The following MCF2 variants were observed in gnomAD, a reference collection of about 807,000 sequenced individuals.
MCF2 encodes MCF.2 cell line derived transforming sequence.
Under a neutral mutation model 82.5 loss-of-function variants are expected in MCF2, and 44 were observed. The observed-to-expected ratio is 0.53, with a 90% CI of 0.42 to 0.69. The LOEUF is 0.69. Ranked by LOEUF, MCF2 falls within the 30% of genes least tolerant of loss-of-function variation. The pLI, the probability that MCF2 is intolerant of heterozygous loss-of-function variation, is 0.00. For synonymous variants in MCF2, 217 were observed against 224.9 expected (o/e 0.96, Z 0.32); for missense variants, 623 against 663.1 (o/e 0.94, Z 0.66).
intron 1 of MCF2, among the ~76,000 whole-genome samples, chrX:139,670,672 A>G (rs1260644954): frequency 8.9e-6 from 1 of 111,810 alleles, no homozygotes; most frequent in African/African-American, 3.3e-5. Flanking sequence ...ATAGTATTCC[A>G]TGGTGTACAT....
intron 19 of MCF2, among the ~76,000 whole-genome samples, chrX:139,590,758 C>T (rs1355251145): frequency 9.0e-6 from 1 of 110,631 alleles, no homozygotes; most frequent in African/African-American, 3.3e-5. Flanking sequence ...GAGTATCTCA[C>T]TCTCTGTTCT....
intron 16 of MCF2, 123 bp downstream of exon 20, chrX:139,602,283 C>G: frequency 7.3e-6 from 4 of 546,215 alleles, no homozygotes; most frequent in African/African-American, 4.7e-5. Context: ...GGTGGATTTG[C>G]TCTTTAACTC....
chrX:139,702,168 C>T (rs1286384414), intron 1 of MCF2: 2 of 112,022 alleles, frequency 1.8e-5, no homozygotes, highest in Non-Finnish European at 1.9e-5. Flanking sequence ...GAATTTTGTT[C>T]GTTCATAGCA....
At chrX:139,646,745 T>A (rs766405003), upstream of MCF2, 8 of 658,812 alleles carry the variant, frequency 1.2e-5, no homozygotes, top group South Asian at 2.5e-4. Context: ...CAGATGGATA[T>A]CTGATATAAA....
intron 10 of MCF2, among the ~76,000 whole-genome samples, chrX:139,611,980 G>A (rs764159): frequency 0.45 from 49,383 of 109,210 alleles, 8,503 homozygotes; most frequent in Middle Eastern, 0.57. Context: ...AAGGGAAGAA[G>A]AAGTGGGCAG....
intron 11 of MCF2, among the ~76,000 whole-genome samples, chrX:139,608,010 CTT>C (rs1336979747): frequency 9.0e-6 from 1 of 111,539 alleles, no homozygotes; most frequent in Admixed American, 9.5e-5. Flanking sequence ...TGTATTAACT[CTT>C]TATTTATTTG....
At chrX:139,692,622 G>A (rs1158714130) in intron 1 of MCF2, among the ~76,000 whole-genome samples, 1 of 111,854 alleles carries the variant, frequency 8.9e-6, no homozygotes, top group Non-Finnish European at 1.9e-5. Context: ...GGTGGGAGGA[G>A]ACAGCCCAGC....
At chrX:139,624,020 AGG>A (rs1374447914) in intron 6 of MCF2, among the ~76,000 whole-genome samples, 1 of 111,585 alleles carries the variant, frequency 9.0e-6, no homozygotes, top group Non-Finnish European at 1.9e-5. Context: ...ACTAGTTAGA[AGG>A]GGAGTAAAAG....
At chrX:139,615,174 A>G in intron 9 of MCF2, 122 bp from the exon 13 acceptor site, 1 of 536,125 alleles carries the variant, frequency 1.9e-6, no homozygotes, top group Non-Finnish European at 3.0e-6. Context: ...TAACTACAAG[A>G]CATTTAGAAA....
intron 1 of MCF2, among the ~76,000 whole-genome samples, chrX:139,690,821 C>T (rs775826982): frequency 1.8e-5 from 2 of 111,929 alleles, no homozygotes; most frequent in South Asian, 7.5e-4. Context: ...ACCTTGGGTG[C>T]ACAGGAAGGC....
At chrX:139,594,913 G>A (rs374019767) in intron 19 of MCF2, among the ~76,000 whole-genome samples, 45 of 110,946 alleles carry the variant, frequency 4.1e-4, no homozygotes, top group African/African-American at 9.3e-4. Flanking sequence ...AAAAGTGGGC[G>A]AAGGACATGA....
intron 12 of MCF2, 49 bp from the exon 17 acceptor site, chrX:139,605,828 T>A: frequency 2.2e-6 from 2 of 921,392 alleles, no homozygotes; most frequent in Non-Finnish European, 1.5e-6. Flanking sequence ...CTGAGATCTA[T>A]ATTGCAATGT....
chrX:139,634,654 T>C (rs1401650574), intron 1 of MCF2, among the ~76,000 whole-genome samples: 1 of 112,103 alleles, frequency 8.9e-6, no homozygotes, highest in Non-Finnish European at 1.9e-5. Flanking sequence ...CAACTCATAA[T>C]TCCCCCAGGA....
chrX:139,623,513 G>A (rs888379662), intron 6 of MCF2, among the ~76,000 whole-genome samples: 11 of 111,670 alleles, frequency 9.9e-5, no homozygotes, highest in African/African-American at 3.6e-4. Context: ...CTTATAAGTG[G>A]AAGTTAAGCA....
intron 1 of MCF2, among the ~76,000 whole-genome samples, chrX:139,684,996 A>G (rs1290382540): frequency 2.7e-5 from 3 of 111,652 alleles, no homozygotes; most frequent in South Asian, 3.8e-4. Flanking sequence ...GCTCTACAAA[A>G]GCTATTTTTA....
At chrX:139,686,231 A>G (rs1343228339) in intron 1 of MCF2, among the ~76,000 whole-genome samples, 1 of 111,367 alleles carries the variant, frequency 9.0e-6, no homozygotes, top group Non-Finnish European at 1.9e-5. Flanking sequence ...TCCTTTCACC[A>G]CTCTTATTCA....
chrX:139,587,329 T>G (rs1929061151), intron 22 of MCF2, among the ~76,000 whole-genome samples: 1 of 110,725 alleles, frequency 9.0e-6, no homozygotes, highest in South Asian at 3.9e-4. Flanking sequence ...ACTGTAAAAC[T>G]GTGAGCCAGT....
At chrX:139,707,403 C>G (rs1935611376) in intron 1 of MCF2, among the ~76,000 whole-genome samples, 1 of 111,017 alleles carries the variant, frequency 9.0e-6, no homozygotes, top group South Asian at 3.8e-4. Context: ...ATGTGAGAAA[C>G]ATCACCATAT....
intron 1 of MCF2, among the ~76,000 whole-genome samples, chrX:139,668,474 C>A (rs1374824451): frequency 1.8e-5 from 2 of 111,203 alleles, no homozygotes; most frequent in Non-Finnish European, 3.8e-5. Flanking sequence ...GGGCCTCTTC[C>A]ATGGCCAGGA....
Sources: allele counts gnomAD v4.1 joint callset (sites outside exome capture counted in the v4.1 genomes callset), GRCh38; gene constraint gnomAD v4.1.1; transcripts MANE v1.5; gene names NCBI Gene and HGNC (gene_info 2026-07-23, HGNC 2026-07-21).